Variants in INPP4B observed in about 807,000 individuals in gnomAD.
The protein encoded by INPP4B is inositol polyphosphate-4-phosphatase type II B.
Under a neutral mutation model 122.5 loss-of-function variants are expected in INPP4B, and 55 were observed. That is an observed-to-expected ratio of 0.45 (90% CI 0.36 to 0.56). The LOEUF (loss-of-function observed/expected upper bound fraction) is 0.56, where lower values mean the gene tolerates loss of function less well. Ranked by LOEUF, INPP4B falls within the 20% of genes least tolerant of loss-of-function variation. The probability of loss-of-function intolerance (pLI) is 0.00; values close to 1 mark genes in which losing one functional copy is unlikely to be tolerated. For synonymous variants in INPP4B, 403 were observed against 388.7 expected (o/e 1.04, Z -0.43); for missense variants, 1,000 against 1,097.7 (o/e 0.91, Z 1.26).
chr4:142,439,148 C>T (rs550927128), intron 3 of INPP4B, among the ~76,000 whole-genome samples: 29 of 152,260 alleles, frequency 1.9e-4, no homozygotes, highest in African/African-American at 5.3e-4. Flanking sequence ...CTCCAAGTGC[C>T]TACACATGGC....
intron 2 of INPP4B, among the ~76,000 whole-genome samples, chr4:142,587,779 T>A (rs1482601786): frequency 6.6e-6 from 1 of 152,090 alleles, no homozygotes; most frequent in African/African-American, 2.4e-5. Flanking sequence ...ATCTTATTCA[T>A]TCTTAACCAT....
At chr4:142,192,332 GT>G (rs1397659044) in intron 15 of INPP4B, among the ~76,000 whole-genome samples, 11 of 4,660 alleles carry the variant, frequency 2.4e-3, no homozygotes, top group Admixed American at 3.5e-3. Flanking sequence ...GAATCTAAAA[GT>G]AAAAAAAAAA....
At chr4:142,242,098 C>T (rs1859688113) in intron 11 of INPP4B, among the ~76,000 whole-genome samples, 1 of 152,284 alleles carries the variant, frequency 6.6e-6, no homozygotes, top group Admixed American at 6.5e-5. Flanking sequence ...CCAAAAGCTA[C>T]ATTATACTTT....
At chr4:142,155,175 A>G (rs1181032093) in intron 17 of INPP4B, among the ~76,000 whole-genome samples, 2 of 152,076 alleles carry the variant, frequency 1.3e-5, no homozygotes, top group African/African-American at 4.8e-5. Context: ...ATTAATATCA[A>G]GGAGTCTATA....
intron 2 of INPP4B, among the ~76,000 whole-genome samples, chr4:142,670,280 C>A (rs1192233421): frequency 1.3e-5 from 2 of 152,006 alleles, no homozygotes; most frequent in African/African-American, 2.4e-5. Context: ...ATCCAGCAAC[C>A]CCACTTTTGG....
At chr4:142,311,654 T>G (rs2151283772) in intron 8 of INPP4B, among the ~76,000 whole-genome samples, 1 of 152,314 alleles carries the variant, frequency 6.6e-6, no homozygotes, top group Middle Eastern at 3.4e-3. Context: ...CTGCCCTTTC[T>G]TCATTACTAA....
chr4:142,052,707 C>T (rs1227147565), intron 25 of INPP4B, among the ~76,000 whole-genome samples: 1 of 151,846 alleles, frequency 6.6e-6, no homozygotes, highest in Non-Finnish European at 1.5e-5. Flanking sequence ...AGTAGCAGGA[C>T]ACACTGGGGA....
At chr4:142,659,630 T>TA (rs1754794542) in intron 2 of INPP4B, among the ~76,000 whole-genome samples, 1 of 152,094 alleles carries the variant, frequency 6.6e-6, no homozygotes, top group Non-Finnish European at 1.5e-5. Context: ...TCTGAGTAAT[T>TA]ATCCTTCAAA....
intron 1 of INPP4B, among the ~76,000 whole-genome samples, chr4:142,829,157 T>C (rs1286782285): frequency 6.6e-6 from 1 of 151,728 alleles, no homozygotes; most frequent in African/African-American, 2.4e-5. Flanking sequence ...CAAAAATGAC[T>C]AGACAAGTTT....
chr4:142,615,236 G>C (rs1380555642), intron 2 of INPP4B, among the ~76,000 whole-genome samples: 1 of 152,122 alleles, frequency 6.6e-6, no homozygotes, highest in Non-Finnish European at 1.5e-5. Flanking sequence ...AAGTTAGACT[G>C]CACTTTGGTT....
At chr4:142,198,756 A>G (rs752514034) in intron 14 of INPP4B, among the ~76,000 whole-genome samples, 1 of 152,142 alleles carries the variant, frequency 6.6e-6, no homozygotes, top group Non-Finnish European at 1.5e-5. Context: ...AATTCATGGA[A>G]AAATATTCTA....
At chr4:142,545,804 TACAC>T (rs202192615) in intron 2 of INPP4B, among the ~76,000 whole-genome samples, 24,319 of 97,680 alleles carry the variant, frequency 0.25, 4,128 homozygotes, top group East Asian at 0.76. Context: ...TGTATATATA[TACAC>T]ATATACATGT....
intron 3 of INPP4B, among the ~76,000 whole-genome samples, chr4:142,438,778 G>A (rs1316667024): frequency 2.0e-5 from 3 of 152,102 alleles, no homozygotes; most frequent in Non-Finnish European, 4.4e-5. Flanking sequence ...TACAGAATGG[G>A]AGAAAATTTT....
chr4:142,192,983 G>A (rs919214515), intron 15 of INPP4B, 104 bp downstream of exon 15: 1 of 647,260 alleles, frequency 1.5e-6, no homozygotes, highest in East Asian at 2.5e-5. Context: ...AGGTTAAGAT[G>A]TCAAGAACTA....
intron 7 of INPP4B, among the ~76,000 whole-genome samples, chr4:142,344,032 T>C (rs914587332): frequency 1.3e-5 from 2 of 152,114 alleles, no homozygotes; most frequent in East Asian, 3.9e-4. Context: ...TGAGATTTCC[T>C]GTGCATTCAA....
Position 142,184,949 on chromosome 4 carries a change from T to C in INPP4B, c.1181+8138A>G, listed in dbSNP as rs116179327. ...GGCAGCAAAGAAATTTTTAAAATTA[T>C]GAAACACAAGAATATTTGCCTTTAA... On this transcript the variant is annotated intron_variant, in intron 15 of 25. Coordinates refer to ENST00000262992, the MANE Select transcript of INPP4B (RefSeq NM_001101669.3). Among the ~76,000 whole-genome samples, 781 of 152,258 alleles carry C rather than the reference T, an allele frequency of 5.1e-3. 10 individuals carry two copies. The highest frequency in any genetic ancestry group is 0.018 in the African/African-American group (742 of 41,548).
chr4:142,084,373 C>T lies in INPP4B; in HGVS notation c.2487+1771G>A, dbSNP rs965542808. ...TGACCTCGTGATCCGCCCGCCTCGG[C>T]CCCCCAAAGTGCTGAGATTACAGGT... On this transcript the variant is annotated intron_variant, in intron 24 of 25. Coordinates refer to ENST00000262992, the MANE Select transcript of INPP4B (RefSeq NM_001101669.3). Among the ~76,000 whole-genome samples, 6 of 152,072 alleles carry T rather than the reference C, an allele frequency of 3.9e-5. No homozygotes were observed. In the South Asian group the frequency reaches 6.2e-4, roughly 16 times the overall value.
At chr4:142,561,985 TTTC>T (rs1309625455) in intron 2 of INPP4B, among the ~76,000 whole-genome samples, 5 of 152,176 alleles carry the variant, frequency 3.3e-5, no homozygotes, top group African/African-American at 1.2e-4. Flanking sequence ...TCTTTTTCTT[TTTC>T]TTTTTTCCTT....
chr4:142,399,378 G>A (rs575151484), intron 7 of INPP4B, among the ~76,000 whole-genome samples: 6 of 151,744 alleles, frequency 4.0e-5, no homozygotes, highest in Non-Finnish European at 8.8e-5. Context: ...TGTATTTTTA[G>A]TAGAGATGGG....
Sources: gnomAD v4.1 joint callset for allele counts (sites outside exome capture counted in the v4.1 genomes callset) on GRCh38, gnomAD v4.1.1 for gene constraint, MANE v1.5 for transcripts, NCBI Gene and HGNC (gene_info 2026-07-23, HGNC 2026-07-21) for gene names.